The following LMTK2 variants were observed in gnomAD, a reference collection of about 807,000 sequenced individuals.
LMTK2 encodes serine/threonine-protein kinase LMTK2.
LMTK2 carries 37 observed loss-of-function variants against 127.5 expected under a neutral mutation model. That is an observed-to-expected ratio of 0.29 (90% CI 0.22 to 0.38). The LOEUF is 0.38. LMTK2 is among the 10% of genes least tolerant of loss of function. The pLI is 1.00. For missense variants in LMTK2, 1,694 were observed against 1,920.3 expected, an observed-to-expected ratio of 0.88 and a Z score of 2.20; for synonymous variants, 819 against 810.1, an observed-to-expected ratio of 1.01 and a Z score of -0.19.
At chr7:98,198,554 A>G (rs951726132) in intron 11 of LMTK2, among the ~76,000 whole-genome samples, 1 of 151,898 alleles carries the variant, frequency 6.6e-6, no homozygotes, top group Non-Finnish European at 1.5e-5. Context: ...CAGTAGTGCG[A>G]TCTCTGCTCA....
intron 1 of LMTK2, among the ~76,000 whole-genome samples, chr7:98,130,648 G>C (rs1796508195): frequency 6.6e-6 from 1 of 152,114 alleles, no homozygotes; most frequent in Admixed American, 6.5e-5. Flanking sequence ...TTATATATAG[G>C]AAGAGGAAAT....
intron 4 of LMTK2, among the ~76,000 whole-genome samples, chr7:98,154,426 C>T (rs966149428): frequency 1.1e-4 from 16 of 152,162 alleles, no homozygotes; most frequent in Non-Finnish European, 1.5e-4. Flanking sequence ...ATAAATTGCA[C>T]TTCTGTAAAG....
In LMTK2 at chr7:98,155,018, G is replaced by A; in HGVS notation, c.569+142G>A. 6 of 575,924 alleles carry A rather than the reference G, an allele frequency of 1.0e-5. No homozygotes were observed. The South Asian group carries it at 1.4e-4, about 13-fold the overall frequency. The allele number at this position is 575,924 out of a possible 1,614,324, so 35.7% of individuals were successfully genotyped here. On this transcript the variant is annotated intron_variant, in intron 5 of 13. Transcript: ENST00000297293. ...GTCTCATAAGACCTAAAATGTCCAG[G>A]CGTCATCTGAAAATCACTTAGCATT...
In LMTK2 at chr7:98,158,809, C is replaced by T. The variant is rs543939787; in HGVS notation, c.570-529C>T. The stretch of plus-strand genomic sequence containing the variant: ...ATCTTCAGGGATTCATGGAACCAGT[C>T]TCCCGCAGGTACTAAGGGATGACTG... On this transcript the variant is annotated intron_variant, in intron 5 of 13. Coordinates refer to ENST00000297293, the MANE Select transcript of LMTK2 (RefSeq NM_014916.4). 1.6e-4 allele frequency among the ~76,000 whole-genome samples: 24 copies of T among 152,300 alleles called. 1 individual carries two copies. In the South Asian group the frequency reaches 4.8e-3, roughly 30 times the overall value.
intron 4 of LMTK2, among the ~76,000 whole-genome samples, chr7:98,153,060 C>G (rs1189427181): frequency 2.0e-5 from 3 of 152,104 alleles, no homozygotes; most frequent in African/African-American, 7.2e-5. Context: ...GCAGGAGAGG[C>G]AGGAGGAAGT....
At chr7:98,152,750 G>A (rs971891099) in intron 4 of LMTK2, among the ~76,000 whole-genome samples, 25 of 152,148 alleles carry the variant, frequency 1.6e-4, no homozygotes, top group African/African-American at 6.0e-4. Flanking sequence ...GAGAGATCAT[G>A]ATGTAATTGA....
intron 1 of LMTK2, among the ~76,000 whole-genome samples, chr7:98,108,811 T>A (rs1361727176): frequency 1.3e-5 from 2 of 152,072 alleles, no homozygotes; most frequent in Admixed American, 1.3e-4. Context: ...TTTTTATATA[T>A]TTTGAAGTAT....
At position 98,209,060 on chromosome 7, in the gene LMTK2, ACG is replaced by A. The variant is rs1439987000; in HGVS notation, c.*3570_*3571del. The A allele has an allele frequency of 6.6e-5, 10 of 152,354 alleles. No homozygotes were observed. Among genetic ancestry groups the A allele is most frequent in the African/African-American group, 2.4e-4 (10 of 41,586 alleles). 9.4% of individuals were successfully genotyped at this position (152,354 alleles called of 1,614,324 possible). A position where few individuals can be genotyped will look rare whatever the true frequency, so the allele number is the denominator to read the frequency against. ...AATTCAGAAGTGAACCAAGGGTTAG[ACG>A]CCAGAGGTTGGGCTTCTGTTAGAGT... On this transcript the variant is annotated 3_prime_UTR_variant, in exon 14 of 14. Coordinates refer to ENST00000297293, the MANE Select transcript of LMTK2 (RefSeq NM_014916.4).
chr7:98,172,182 C>T (rs1052894113), intron 7 of LMTK2, among the ~76,000 whole-genome samples: 4 of 152,150 alleles, frequency 2.6e-5, no homozygotes, highest in Admixed American at 6.5e-5. Flanking sequence ...TCATGGGATC[C>T]GATCTGATGA....
intron 1 of LMTK2, among the ~76,000 whole-genome samples, chr7:98,129,763 T>C (rs749368786): frequency 4.6e-5 from 7 of 152,198 alleles, no homozygotes; most frequent in Non-Finnish European, 8.8e-5. Context: ...TTTCCCTCGC[T>C]TGCTCATGCC....
intron 3 of LMTK2, among the ~76,000 whole-genome samples, chr7:98,144,880 A>G (rs1796748354): frequency 6.6e-6 from 1 of 151,694 alleles, no homozygotes. Flanking sequence ...CTAGGTTCGT[A>G]CTATGTAGAT....
At chr7:98,185,958 T>A (rs1209795820) in intron 8 of LMTK2, among the ~76,000 whole-genome samples, 1 of 152,166 alleles carries the variant, frequency 6.6e-6, no homozygotes, top group East Asian at 1.9e-4. Context: ...TCAAAAAATA[T>A]TATGCAAATA....
Position 98,204,001 on chromosome 7 carries a change from C to G in LMTK2, c.4298C>G (p.Thr1433Arg). The G allele has an allele frequency of 1.2e-6, 2 of 1,614,190 alleles. No homozygotes were observed. The highest frequency in any genetic ancestry group is 1.7e-6 in the Non-Finnish European group (2 of 1,180,028). Residue 1433 changes from threonine (T) to arginine (R), a missense_variant, in exon 13 of 14, where the codon ACA becomes AGA. By Grantham distance (71) the Thr-to-Arg change is moderately conservative (BLOSUM62 -1). Around this residue, in one of 8 missense-constraint regions of LMTK2, gnomAD observed 554 missense variants for 567.7 expected, o/e 0.98. Transcript: ENST00000297293. ...FSPDPFMSKTTSNLLSSKPSL... is the reference protein window; with the variant it reads ...FSPDPFMSKTRSNLLSSKPSL... ...CCAGATCCTTTTATGTCAAAGACAACAAGTAACCTGCTCAGCTCCAAGCCT... is the reference window on the plus strand; with the variant it reads ...CCAGATCCTTTTATGTCAAAGACAAGAAGTAACCTGCTCAGCTCCAAGCCT...
chr7:98,202,124 T>C (rs1268692066), intron 11 of LMTK2, among the ~76,000 whole-genome samples: 1 of 152,148 alleles, frequency 6.6e-6, no homozygotes, highest in Non-Finnish European at 1.5e-5. Context: ...CCAGGTTTTT[T>C]TTTTCTTGCT....
chr7:98,168,330 G>T (rs1318061788), intron 6 of LMTK2, among the ~76,000 whole-genome samples: 4 of 152,206 alleles, frequency 2.6e-5, no homozygotes, highest in Non-Finnish European at 5.9e-5. Flanking sequence ...GTGGGCGGGG[G>T]GACCAGTGGT....
chr7:98,199,871 G>C (rs1194149880), intron 11 of LMTK2, among the ~76,000 whole-genome samples: 1 of 152,162 alleles, frequency 6.6e-6, no homozygotes, highest in African/African-American at 2.4e-5. Context: ...CATTATATTT[G>C]ACATGAGTTT....
intron 11 of LMTK2, among the ~76,000 whole-genome samples, chr7:98,201,765 A>G (rs1045461005): frequency 6.6e-6 from 1 of 151,966 alleles, no homozygotes; most frequent in African/African-American, 2.4e-5. Flanking sequence ...GTGCACCACC[A>G]CGCCTAGCTA....
intron 9 of LMTK2, among the ~76,000 whole-genome samples, chr7:98,188,538 T>G (rs1797473984): frequency 6.6e-6 from 1 of 152,200 alleles, no homozygotes; most frequent in Non-Finnish European, 1.5e-5. Flanking sequence ...CCCCAAGCAA[T>G]CCTCATGCCT....
chr7:98,200,954 A>G (rs1370782322), intron 11 of LMTK2, among the ~76,000 whole-genome samples: 1 of 151,910 alleles, frequency 6.6e-6, no homozygotes, highest in East Asian at 1.9e-4. Flanking sequence ...GTTCTTTTTC[A>G]TTATTGATGT....
Sources: gnomAD v4.1 joint callset for allele counts (sites outside exome capture counted in the v4.1 genomes callset) on GRCh38, gnomAD v4.1.1 for gene constraint, gnomAD v4.1.1 regional missense constraint, MANE v1.5 for transcripts, NCBI Gene and HGNC (gene_info 2026-07-23, HGNC 2026-07-21) for gene names.